RGS3: variants seen among roughly 807,000 people sequenced by gnomAD.
RGS3 encodes regulator of G-protein signalling 3.
Under a neutral mutation model 132.6 loss-of-function variants are expected in RGS3, and 80 were observed. The ratio of observed to expected loss-of-function variants is 0.60; its 90% CI spans 0.50 to 0.73. The LOEUF is 0.73. Among genes scored for constraint, RGS3 ranks in the 30% least tolerant of loss-of-function variants. The pLI, the probability that RGS3 is intolerant of heterozygous loss-of-function variation, is 0.00. For synonymous variants in RGS3, 598 were observed against 620.6 expected, an observed-to-expected ratio of 0.96 and a Z score of 0.54; for missense variants, 1,382 against 1,530.8, an observed-to-expected ratio of 0.90 and a Z score of 1.62.
intron 3 of RGS3, among the ~76,000 whole-genome samples, chr9:113,470,056 A>G (rs1829782145): frequency 6.6e-6 from 1 of 152,034 alleles, no homozygotes; most frequent in Non-Finnish European, 1.5e-5. Flanking sequence ...GATTACAGGC[A>G]CCCACTACCA....
At chr9:113,584,006 A>G (rs771304493) in exon 20 of RGS3, 13 of 1,614,106 alleles carry the variant, frequency 8.1e-6, no homozygotes, top group Non-Finnish European at 1.0e-5. Context: ...GATAGCACCT[A>G]CAGCCAGAAG....
At chr9:113,564,913 G>A (rs1467414205) in intron 19 of RGS3, 4 of 996,460 alleles carry the variant, frequency 4.0e-6, no homozygotes, top group African/African-American at 1.7e-5. Context: ...CGGGGTGGGG[G>A]TGTGACAGGG....
chr9:113,520,553 T>TC (rs924585245), intron 16 of RGS3, among the ~76,000 whole-genome samples: 1 of 151,078 alleles, frequency 6.6e-6, no homozygotes, highest in Non-Finnish European at 1.5e-5. Context: ...TTTTTTTTTT[T>TC]TTTTTTTTTT....
chr9:113,522,876 C>G, intron 16 of RGS3, 54 bp from the exon 15 acceptor site: 1 of 1,194,248 alleles, frequency 8.4e-7, no homozygotes, highest in Non-Finnish European at 1.3e-6. Flanking sequence ...TTGTGGCTCT[C>G]AGCCTCCAGA....
intron 17 of RGS3, among the ~76,000 whole-genome samples, chr9:113,523,316 C>G (rs1334150601): frequency 6.6e-6 from 1 of 152,122 alleles, no homozygotes. Context: ...TTCAGACAGA[C>G]CTGTGCTCAA....
At chr9:113,535,967 G>A (rs1292832541) in intron 18 of RGS3, among the ~76,000 whole-genome samples, 1 of 152,178 alleles carries the variant, frequency 6.6e-6, no homozygotes, top group Non-Finnish European at 1.5e-5. Flanking sequence ...TGCCAAAGCT[G>A]ACCTGGATTT....
intron 17 of RGS3, among the ~76,000 whole-genome samples, chr9:113,526,905 A>G (rs1027320039): frequency 2.6e-5 from 4 of 152,172 alleles, no homozygotes; most frequent in African/African-American, 9.7e-5. Flanking sequence ...CTAATGTTCT[A>G]GAAGGGGCAG....
chr9:113,559,983 C>T (rs918768614), intron 19 of RGS3, among the ~76,000 whole-genome samples: 4 of 152,336 alleles, frequency 2.6e-5, no homozygotes, highest in Admixed American at 1.3e-4. Flanking sequence ...ACATACACCA[C>T]GTCGTCTAGT....
intron 19 of RGS3, among the ~76,000 whole-genome samples, chr9:113,550,802 T>G (rs1165320300): frequency 6.6e-6 from 1 of 152,202 alleles, no homozygotes; most frequent in Non-Finnish European, 1.5e-5. Context: ...AGTCTTTTGC[T>G]CATTTTTCTA....
intron 23 of RGS3, 192 bp downstream of exon 21, chr9:113,595,172 C>CTGAG (rs1276394261): frequency 3.3e-6 from 2 of 612,664 alleles, no homozygotes; most frequent in African/African-American, 3.7e-5. Flanking sequence ...CTTCTGCCAG[C>CTGAG]CCCTCCCCGT....
At position 113,473,742 on chromosome 9, in the gene RGS3, G is replaced by A. The variant is rs576416051; in HGVS notation, c.416-5749G>A. On this transcript the variant is annotated intron_variant, in intron 3 of 24. Coordinates refer to ENST00000350696, the Ensembl canonical transcript of RGS3. Reference sequence around the variant, plus strand: ...TCCTTGCCTGTAAATTGGGATAAAAGTAGTAACCATTTCACGGAGTTATTG... The same window carrying A: ...TCCTTGCCTGTAAATTGGGATAAAAATAGTAACCATTTCACGGAGTTATTG... Among the ~76,000 whole-genome samples, 7 of 152,274 alleles carry A rather than the reference G, an allele frequency of 4.6e-5. 1 individual carries two copies. In the South Asian group the frequency reaches 1.2e-3, roughly 27 times the overall value.
chr9:113,586,993 GGTAGTA>G (rs755815969), intron 20 of RGS3, among the ~76,000 whole-genome samples: 2 of 152,212 alleles, frequency 1.3e-5, no homozygotes. Context: ...CAGTAACCAG[GGTAGTA>G]CTGGCTGTGC....
chr9:113,450,306 C>T (rs1314757905), intron 1 of RGS3, among the ~76,000 whole-genome samples: 2 of 148,092 alleles, frequency 1.4e-5, no homozygotes, highest in South Asian at 2.2e-4. Flanking sequence ...CTCCTGACCT[C>T]GTGATCCACC....
rs1311670943 is a variant in RGS3 at position 113,506,942 on chromosome 9, A to G, written c.1086-345A>G. 6.6e-6 allele frequency among the ~76,000 whole-genome samples: 1 copy of G among 152,238 alleles called. No individual in the cohort carries two copies. The highest frequency in any genetic ancestry group is 2.4e-5 in the African/African-American group (1 of 41,464). On this transcript the variant is annotated intron_variant, in intron 12 of 24. Coordinates refer to ENST00000350696, the Ensembl canonical transcript of RGS3. This position sits in a 1 kb window ranked among gnomAD's most constrained non-coding sequence, Gnocchi z 4.7. ...CCCATTTTAGGTCTGCTTCTGGAAT[A>G]ACCAGATGAGGGCTTGCACTTAGGT...
In RGS3 at chr9:113,584,514, G is replaced by A. The variant is rs1835023431; in HGVS notation, c.3015+87G>A. 4 of 1,371,380 alleles carry A rather than the reference G, an allele frequency of 2.9e-6. No individual in the cohort carries two copies. In the Admixed American group the frequency reaches 1.2e-4, roughly 40 times the overall value. The allele number at this position is 1,371,380 out of a possible 1,614,324, so 85.0% of individuals were successfully genotyped here. A position where few individuals can be genotyped will look rare whatever the true frequency, so the allele number is the denominator to read the frequency against. On this transcript the variant is annotated intron_variant, in intron 20 of 24. Coordinates refer to ENST00000350696, the Ensembl canonical transcript of RGS3. Reference sequence around the variant, plus strand: ...GCTGCAGGGAATGAGAAGTCACCATGTTCCACCCCCACTATCCTGGCAGCC... The same window carrying A: ...GCTGCAGGGAATGAGAAGTCACCATATTCCACCCCCACTATCCTGGCAGCC...
At chr9:113,479,319 T>G (rs1435315439) in intron 3 of RGS3, 172 bp from the exon 2 acceptor site, 1 of 690,940 alleles carries the variant, frequency 1.4e-6, no homozygotes, top group African/African-American at 1.8e-5. Context: ...CCCGATGTGG[T>G]GGGCGGGGCT....
intron 14 of RGS3, 65 bp from the exon 13 acceptor site, chr9:113,514,393 T>TACAGAGGGGACACCTTTGCAGG: frequency 7.0e-7 from 1 of 1,424,414 alleles, no homozygotes; most frequent in Non-Finnish European, 9.8e-7. Context: ...CCCCTGTTTC[T>TACAGAGGGGACACCTTTGCAGG]ACAGAGGGGA....
At chr9:113,580,907 G>A in intron 19 of RGS3, 1 of 985,656 alleles carries the variant, frequency 1.0e-6, no homozygotes, top group African/African-American at 1.7e-5. Flanking sequence ...GGGAAATGCG[G>A]CCCGCTCCCC....
intron 16 of RGS3, among the ~76,000 whole-genome samples, chr9:113,522,018 G>T (rs1831982226): frequency 6.6e-6 from 1 of 152,196 alleles, no homozygotes; most frequent in South Asian, 2.1e-4. Context: ...AAAGGCCACT[G>T]CAGGATTTGC....
Sources: allele counts gnomAD v4.1 joint callset (sites outside exome capture counted in the v4.1 genomes callset), GRCh38; gene constraint gnomAD v4.1.1; non-coding constraint Gnocchi (gnomAD v3.1); transcripts MANE v1.5; gene names NCBI Gene and HGNC (gene_info 2026-07-23, HGNC 2026-07-21).